The following ARMH3 variants were observed in gnomAD, a reference collection of about 807,000 sequenced individuals.
ARMH3 encodes armadillo-like helical domain-containing protein 3.
Under a neutral mutation model 99.1 loss-of-function variants are expected in ARMH3, and 60 were observed. The observed-to-expected ratio is 0.61, with a 90% CI of 0.49 to 0.75. ARMH3 has a LOEUF of 0.75. Ranked by LOEUF, ARMH3 falls within the 30% of genes least tolerant of loss-of-function variation. The probability of loss-of-function intolerance (pLI) is 0.00; values close to 1 mark genes in which losing one functional copy is unlikely to be tolerated. For missense variants in ARMH3, 679 were observed against 843.1 expected, an observed-to-expected ratio of 0.81 and a Z score of 2.41; for synonymous variants, 285 against 292.8, an observed-to-expected ratio of 0.97 and a Z score of 0.27.
intron 19 of ARMH3, 132 bp downstream of exon 19, chr10:101,990,419 C>T (rs984066280): frequency 5.0e-6 from 3 of 600,894 alleles, no homozygotes; most frequent in Non-Finnish European, 8.8e-6. Context: ...GATCCGCCCG[C>T]CTCGGCCTCC....
intron 2 of ARMH3, 60 bp downstream of exon 2, chr10:102,039,953 C>T (rs2067369798): frequency 8.8e-6 from 13 of 1,471,512 alleles, no homozygotes; most frequent in Non-Finnish European, 1.2e-5. Flanking sequence ...AAGGGTATTT[C>T]TCATCTTGGA....
chr10:101,933,051 T>C (rs1283355140), intron 23 of ARMH3, among the ~76,000 whole-genome samples: 1 of 152,098 alleles, frequency 6.6e-6, no homozygotes, highest in African/African-American at 2.4e-5. Context: ...CCTAGCGTGG[T>C]GGTGGGCACC....
chr10:102,023,708 T>C lies in ARMH3; in HGVS notation c.549A>G (p.Val183=). 1.2e-6 allele frequency: 2 copies of C among 1,614,206 alleles called. No individual in the cohort carries two copies. Among genetic ancestry groups the C allele is most frequent in the South Asian group, 2.2e-5 (2 of 91,076 alleles). ...TTGCTTCAAATATGCTGTTGATCATTACATACTCGAGAATAGTGTTCTGGC... is the reference window on the plus strand; with the variant it reads ...TTGCTTCAAATATGCTGTTGATCATCACATACTCGAGAATAGTGTTCTGGC... The part of the protein sequence containing the change: ...NISQNTILEY[V]MINSIFEAIL... The change falls in exon 7 of 26, where the codon GTA becomes GTG. Residue 183 remains valine, a synonymous_variant. Transcript: ENST00000370033.
chr10:101,960,330 C>A lies in ARMH3; in HGVS notation c.1496-2598G>T, dbSNP rs185533583. Among the ~76,000 whole-genome samples the A allele has an allele frequency of 3.2e-3, 485 of 152,284 alleles. 8 individuals carry two copies. Among genetic ancestry groups the A allele is most frequent in the Non-Finnish European group, 7.4e-4 (50 of 68,020 alleles). On this transcript the variant is annotated intron_variant, in intron 20 of 25. Coordinates refer to ENST00000370033, the MANE Select transcript of ARMH3 (RefSeq NM_024541.3). Reference sequence around the variant, plus strand: ...ATCATAATCTCCTTGACTTTGCACTCACTATATCAACTGTTCAGTGTCCTA... The same window carrying A: ...ATCATAATCTCCTTGACTTTGCACTAACTATATCAACTGTTCAGTGTCCTA...
chr10:101,905,170 T>G (rs2068073812), intron 23 of ARMH3, among the ~76,000 whole-genome samples: 1 of 152,122 alleles, frequency 6.6e-6, no homozygotes, highest in Non-Finnish European at 1.5e-5. Context: ...CTATAGGACT[T>G]CTTAGGCATC....
chr10:101,861,602 T>C (rs2066870127), intron 24 of ARMH3, among the ~76,000 whole-genome samples: 1 of 151,606 alleles, frequency 6.6e-6, no homozygotes, highest in Non-Finnish European at 1.5e-5. Flanking sequence ...TAGTGGCACA[T>C]GCCTGTAATC....
intron 8 of ARMH3, among the ~76,000 whole-genome samples, chr10:102,015,872 G>A (rs1038900525): frequency 2.6e-5 from 4 of 152,200 alleles, no homozygotes; most frequent in African/African-American, 9.7e-5. Flanking sequence ...GGTGGCTCAT[G>A]CCTGTAATCC....
chr10:101,862,994 G>A lies in ARMH3; in HGVS notation c.1861-13102C>T, dbSNP rs1408239175. On this transcript the variant is annotated intron_variant, in intron 24 of 25. Coordinates refer to ENST00000370033, the MANE Select transcript of ARMH3 (RefSeq NM_024541.3). The stretch of plus-strand genomic sequence containing the variant: ...AGAGGCGGGTGGATCACCTGAGGTC[G>A]GGAGTTCGAGACCAGCCTGACCAAG... Among the ~76,000 whole-genome samples the A allele has an allele frequency of 2.6e-5, 4 of 151,910 alleles. No individual in the cohort carries two copies. In the East Asian group the frequency reaches 5.8e-4, roughly 22 times the overall value.
chr10:101,915,800 C>CTT lies in ARMH3; in HGVS notation c.1781+24061_1781+24062dup, dbSNP rs781162716. Among the ~76,000 whole-genome samples the CTT allele has an allele frequency of 7.5e-3, 981 of 130,822 alleles. 17 individuals carry two copies. Among genetic ancestry groups the CTT allele is most frequent in the African/African-American group, 0.021 (756 of 35,312 alleles). The allele number at this position is 130,822 out of a possible 152,430, so 85.8% of individuals were successfully genotyped here. On this transcript the variant is annotated intron_variant, in intron 23 of 25. Coordinates refer to ENST00000370033, the MANE Select transcript of ARMH3 (RefSeq NM_024541.3). ...ATATCCCTTGGCACTATTGCAAGTC[C>CTT]TTTTTTTTTTTTTTTTTTTTTGAGA...
At chr10:102,003,022 A>G (rs2066402662) in intron 14 of ARMH3, among the ~76,000 whole-genome samples, 1 of 151,918 alleles carries the variant, frequency 6.6e-6, no homozygotes, top group African/African-American at 2.4e-5. Context: ...AACATTACTG[A>G]TTGGAACAGC....
chr10:101,967,057 T>C (rs1217412267), intron 20 of ARMH3, among the ~76,000 whole-genome samples: 1 of 152,216 alleles, frequency 6.6e-6, no homozygotes, highest in African/African-American at 2.4e-5. Context: ...TTTTACATGC[T>C]ATGAAGACAA....
intron 20 of ARMH3, among the ~76,000 whole-genome samples, chr10:101,969,627 G>T (rs933062602): frequency 2.6e-5 from 4 of 152,324 alleles, no homozygotes; most frequent in African/African-American, 9.6e-5. Context: ...ATTTTTCCCA[G>T]TAGATATCTA....
chr10:102,029,024 GC>G (rs1372197363), intron 5 of ARMH3, among the ~76,000 whole-genome samples: 5 of 152,210 alleles, frequency 3.3e-5, no homozygotes, highest in South Asian at 4.2e-4. Context: ...ACAGGCACGT[GC>G]CACCATACGC....
chr10:101,869,932 T>G (rs1254275412), intron 24 of ARMH3, among the ~76,000 whole-genome samples: 1 of 151,948 alleles, frequency 6.6e-6, no homozygotes, highest in Non-Finnish European at 1.5e-5. Context: ...ACTCAGGAGG[T>G]TGAAGCCAGA....
chr10:101,881,273 C>A (rs1382902154), intron 24 of ARMH3, among the ~76,000 whole-genome samples: 1 of 152,118 alleles, frequency 6.6e-6, no homozygotes, highest in Admixed American at 6.6e-5. Context: ...CACCTTTCTG[C>A]TCTTCCCAGA....
At chr10:101,992,386 C>T (rs1013180518) in intron 17 of ARMH3, among the ~76,000 whole-genome samples, 2 of 150,834 alleles carry the variant, frequency 1.3e-5, no homozygotes, top group African/African-American at 2.4e-5. Flanking sequence ...TTTTCTTTGA[C>T]GATAAATAAT....
chr10:101,894,589 C>T (rs1011099759), intron 23 of ARMH3, among the ~76,000 whole-genome samples: 11 of 152,196 alleles, frequency 7.2e-5, no homozygotes, highest in African/African-American at 2.7e-4. Context: ...AAAGATAAGG[C>T]ACCACGTTTA....
Position 102,012,876 on chromosome 10 carries a change from C to T in ARMH3, c.727G>A (p.Gly243Arg). 6.2e-7 allele frequency: 1 copy of T among 1,607,122 alleles called. No homozygotes were observed. The highest frequency in any genetic ancestry group is 8.5e-7 in the Non-Finnish European group (1 of 1,176,158). ...GCCTGAGCAATTACAAGTCCCATTC[C>T]CTAGAAGGGAAAAGATAGCACAGGT... ...SIVDDEATLN[G>R]MGLVIAQALS... Residue 243 changes from glycine to arginine, a missense_variant and splice_region_variant, in exon 10 of 26, where the codon GGA (glycine) becomes AGA (arginine). This residue lies in a region of ARMH3 where 280 missense variants were observed against 354.6 expected (regional missense o/e 0.79). Coordinates refer to ENST00000370033, the MANE Select transcript of ARMH3 (RefSeq NM_024541.3).
intron 21 of ARMH3, 135 bp downstream of exon 21, chr10:101,957,515 T>C: frequency 1.1e-6 from 1 of 922,864 alleles, no homozygotes; most frequent in Non-Finnish European, 1.6e-6. Context: ...CAGTCCAGAT[T>C]CGGATCCAAA....
Sources: allele counts gnomAD v4.1 joint callset (sites outside exome capture counted in the v4.1 genomes callset), GRCh38; gene constraint gnomAD v4.1.1; regional missense constraint gnomAD v4.1.1; transcripts MANE v1.5; gene names NCBI Gene and HGNC (gene_info 2026-07-23, HGNC 2026-07-21).